The following XYLT1 variants were observed in gnomAD, a reference collection of about 807,000 sequenced individuals.
XYLT1 encodes beta-D-xylosyltransferase 1.
Under a neutral mutation model 91.3 loss-of-function variants are expected in XYLT1, and 36 were observed. That is an observed-to-expected ratio of 0.39 (90% CI 0.30 to 0.52). The LOEUF (loss-of-function observed/expected upper bound fraction) is 0.52, where lower values mean the gene tolerates loss of function less well. Among genes scored for constraint, XYLT1 ranks in the 20% least tolerant of loss-of-function variants. XYLT1 has a pLI of 0.68. For missense variants in XYLT1, 1,242 were observed against 1,284.5 expected (o/e 0.97, Z 0.51); for synonymous variants, 588 against 532.0 (o/e 1.11, Z -1.45).
chr16:17,264,524 G>C (rs1259351168), intron 2 of XYLT1, among the ~76,000 whole-genome samples: 4 of 152,174 alleles, frequency 2.6e-5, no homozygotes, highest in Non-Finnish European at 4.4e-5. Context: ...TCATCTGACT[G>C]CCAAGGGGCA....
At chr16:17,343,419 G>A (rs995449511) in intron 2 of XYLT1, among the ~76,000 whole-genome samples, 4 of 152,140 alleles carry the variant, frequency 2.6e-5, no homozygotes, top group Admixed American at 2.0e-4. Context: ...TGAGCTGGAG[G>A]CCCTACATCC....
At chr16:17,427,367 C>T (rs944142807) in intron 1 of XYLT1, among the ~76,000 whole-genome samples, 2 of 152,190 alleles carry the variant, frequency 1.3e-5, no homozygotes, top group South Asian at 2.1e-4. Flanking sequence ...GGTGCGATCT[C>T]GCCTCACGGC....
intron 2 of XYLT1, among the ~76,000 whole-genome samples, chr16:17,266,666 T>C (rs12708817): frequency 0.66 from 101,070 of 152,120 alleles, 35,887 homozygotes; most frequent in African/African-American, 0.92. Flanking sequence ...TGAGGGCGCC[T>C]GGCCCACCCG....
At chr16:17,344,420 G>C (rs2035114878) in intron 2 of XYLT1, among the ~76,000 whole-genome samples, 1 of 150,686 alleles carries the variant, frequency 6.6e-6, no homozygotes, top group African/African-American at 2.4e-5. Context: ...ACGAACCCGG[G>C]AGGTGGAGCT....
At chr16:17,444,570 T>C (rs1269918093) in intron 1 of XYLT1, among the ~76,000 whole-genome samples, 1 of 151,560 alleles carries the variant, frequency 6.6e-6, no homozygotes, top group Non-Finnish European at 1.5e-5. Context: ...TGGTCTGGAA[T>C]TCCTGGTCTC....
intron 3 of XYLT1, among the ~76,000 whole-genome samples, chr16:17,247,182 T>C (rs532497954): frequency 6.7e-6 from 1 of 149,556 alleles, no homozygotes; most frequent in Non-Finnish European, 1.5e-5. Flanking sequence ...CACTCATTCA[T>C]TCATTCAAGG....
At chr16:17,415,664 C>T (rs1242926270) in intron 1 of XYLT1, among the ~76,000 whole-genome samples, 2 of 151,974 alleles carry the variant, frequency 1.3e-5, no homozygotes, top group Non-Finnish European at 2.9e-5. Context: ...TGCACTCCAG[C>T]TTGGGCTACA....
chr16:17,117,459 C>T lies in XYLT1; in HGVS notation c.2557+187G>A, dbSNP rs7200067. 0.057 allele frequency among the ~76,000 whole-genome samples: 8,618 copies of T among 152,158 alleles called. 804 individuals carry two copies. The highest frequency in any genetic ancestry group is 0.19 in the African/African-American group (8,071 of 41,450). On this transcript the variant is annotated intron_variant, in intron 11 of 11. Coordinates refer to ENST00000261381, the MANE Select transcript of XYLT1 (RefSeq NM_022166.4). ...ATACCTAGACAGATGACATCATCTC[C>T]GTGTGCAGGTAGGACATTAGATGGT...
At chr16:17,284,438 AT>A (rs2141788951) in intron 2 of XYLT1, among the ~76,000 whole-genome samples, 1 of 152,326 alleles carries the variant, frequency 6.6e-6, no homozygotes, top group East Asian at 1.9e-4. Flanking sequence ...GTTGTCCAAT[AT>A]GATATGACCT....
At chr16:17,261,155 A>C (rs1490125011) in intron 2 of XYLT1, among the ~76,000 whole-genome samples, 1 of 150,754 alleles carries the variant, frequency 6.6e-6, no homozygotes, top group African/African-American at 2.4e-5. Context: ...AGGCAGGAGA[A>C]TTGCTTGAAC....
At chr16:17,367,329 C>A in intron 1 of XYLT1, among the ~76,000 whole-genome samples, 1 of 152,324 alleles carries the variant, frequency 6.6e-6, no homozygotes, top group African/African-American at 2.4e-5. Flanking sequence ...CCCACCATGC[C>A]GCAAATCTTT....
intron 1 of XYLT1, among the ~76,000 whole-genome samples, chr16:17,390,825 C>T (rs996158848): frequency 6.6e-6 from 1 of 152,124 alleles, no homozygotes; most frequent in Non-Finnish European, 1.5e-5. Flanking sequence ...TGCCTGAGCT[C>T]AAGAGTTCAA....
At chr16:17,276,289 C>A (rs2033972819) in intron 2 of XYLT1, among the ~76,000 whole-genome samples, 1 of 152,230 alleles carries the variant, frequency 6.6e-6, no homozygotes, top group South Asian at 2.1e-4. Flanking sequence ...AGGCTGCCAT[C>A]TTGAAGGTCT....
intron 1 of XYLT1, among the ~76,000 whole-genome samples, chr16:17,362,595 G>A (rs2035399124): frequency 6.6e-6 from 1 of 152,218 alleles, no homozygotes; most frequent in South Asian, 2.1e-4. Flanking sequence ...CAGGCTCAAG[G>A]CCAAAGGCTT....
At chr16:17,114,417 G>A (rs1251681434) in intron 11 of XYLT1, among the ~76,000 whole-genome samples, 15 of 152,200 alleles carry the variant, frequency 9.9e-5, no homozygotes, top group Admixed American at 9.8e-4. Flanking sequence ...CTCTGGGGTG[G>A]AGAGTGTTGG....
intron 1 of XYLT1, among the ~76,000 whole-genome samples, chr16:17,411,560 T>C (rs995075999): frequency 2.0e-5 from 3 of 152,200 alleles, no homozygotes; most frequent in South Asian, 2.1e-4. Flanking sequence ...GCTGTGACAA[T>C]GGGGCCTCAT....
intron 3 of XYLT1, among the ~76,000 whole-genome samples, chr16:17,238,279 C>T (rs889939231): frequency 3.9e-5 from 6 of 152,300 alleles, no homozygotes; most frequent in East Asian, 1.9e-4. Flanking sequence ...TGTCTTAGAA[C>T]AGGAGTCAGC....
At position 17,432,805 on chromosome 16, in the gene XYLT1, T is replaced by C. The variant is rs573796796; in HGVS notation, c.363+37629A>G. On this transcript the variant is annotated intron_variant, in intron 1 of 11. Coordinates refer to ENST00000261381, the MANE Select transcript of XYLT1 (RefSeq NM_022166.4). ...AAACCCAAAGACACGCTGGTTGTTC[T>C]AGAGGAGGCTAAAGCAAGTCTTCCG... 2.0e-4 allele frequency among the ~76,000 whole-genome samples: 31 copies of C among 152,194 alleles called. No individual in the cohort carries two copies. The South Asian group carries it at 5.6e-3, about 27-fold the overall frequency.
chr16:17,427,137 G>A (rs1008405560), intron 1 of XYLT1, among the ~76,000 whole-genome samples: 6 of 152,226 alleles, frequency 3.9e-5, no homozygotes, highest in African/African-American at 7.2e-5. Flanking sequence ...GAAAGGCAGC[G>A]AAGGTATCTG....
Sources: gnomAD v4.1 joint callset for allele counts (sites outside exome capture counted in the v4.1 genomes callset) on GRCh38, gnomAD v4.1.1 for gene constraint, MANE v1.5 for transcripts, NCBI Gene and HGNC (gene_info 2026-07-23, HGNC 2026-07-21) for gene names.